Variants in FAM120B observed in about 807,000 individuals in gnomAD.
FAM120B encodes the protein family with sequence similarity 120 member B, also known as constitutive coactivator of peroxisome proliferator-activated receptor gamma.
A neutral mutation model predicts 96.3 loss-of-function variants in FAM120B; 83 were observed. That is an observed-to-expected ratio of 0.86 (90% CI 0.72 to 1.03). The LOEUF is 1.03. Ranked by LOEUF, FAM120B falls within the 50% of genes least tolerant of loss-of-function variation. The pLI, the probability that FAM120B is intolerant of heterozygous loss-of-function variation, is 0.00. For missense variants in FAM120B, 1,027 were observed against 1,121.2 expected (o/e 0.92, Z 1.20); for synonymous variants, 407 against 402.7 (o/e 1.01, Z -0.13).
At position 170,360,543 on chromosome 6, in the gene FAM120B, C is replaced by T. The variant is rs75971643; in HGVS notation, c.2283+2225C>T. Among the ~76,000 whole-genome samples the T allele has an allele frequency of 8.8e-3, 1,345 of 152,272 alleles. 66 individuals carry two copies. In the East Asian group the frequency reaches 0.1, roughly 12 times the overall value. On this transcript the variant is annotated intron_variant, in intron 6 of 10. Coordinates refer to ENST00000476287, the MANE Select transcript of FAM120B (RefSeq NM_032448.3). Reference sequence around the variant, plus strand: ...GGTTTTAAAAGCACTCCCATAAGTACGCAGCCATCACACAGAGGCCACTTC... The same window carrying T: ...GGTTTTAAAAGCACTCCCATAAGTATGCAGCCATCACACAGAGGCCACTTC...
chr6:170,402,770 G>A (rs1422868207), intron 9 of FAM120B, among the ~76,000 whole-genome samples: 1 of 152,212 alleles, frequency 6.6e-6, no homozygotes. Flanking sequence ...GTCAGTCTGG[G>A]TGCAAGGCCT....
upstream of FAM120B, chr6:170,291,183 A>T (rs1300534031): frequency 6.2e-6 from 3 of 485,302 alleles, no homozygotes; most frequent in Admixed American, 7.1e-5. Flanking sequence ...CACCACACAA[A>T]ACGCACTCAT....
chr6:170,333,783 G>A (rs1484973159), intron 4 of FAM120B, among the ~76,000 whole-genome samples: 1 of 121,990 alleles, frequency 8.2e-6, no homozygotes, highest in Non-Finnish European at 2.0e-5. Flanking sequence ...ACTGCCCAGC[G>A]TATGGGCCCC....
chr6:170,394,774 C>G (rs947963508), intron 8 of FAM120B, among the ~76,000 whole-genome samples: 2 of 152,268 alleles, frequency 1.3e-5, no homozygotes, highest in African/African-American at 4.8e-5. Context: ...CCACTCTTCC[C>G]TCATAGCTAA....
intron 4 of FAM120B, among the ~76,000 whole-genome samples, chr6:170,333,345 A>T (rs1349269932): frequency 6.6e-6 from 1 of 152,186 alleles, no homozygotes; most frequent in Non-Finnish European, 1.5e-5. Flanking sequence ...GGGCCTCACC[A>T]GAAGCCAACC....
intron 9 of FAM120B, among the ~76,000 whole-genome samples, chr6:170,402,512 C>T (rs1453869082): frequency 6.6e-6 from 1 of 152,240 alleles, no homozygotes; most frequent in African/African-American, 2.4e-5. Context: ...GCAGTGCGGG[C>T]ACGCTGGCCC....
chr6:170,317,145 T>C (rs1051106052), intron 1 of FAM120B, among the ~76,000 whole-genome samples: 5 of 152,252 alleles, frequency 3.3e-5, no homozygotes, highest in African/African-American at 4.8e-5. Flanking sequence ...TATACTCTCT[T>C]GTCCTTGTGA....
chr6:170,389,743 A>G (rs915695162), intron 7 of FAM120B, among the ~76,000 whole-genome samples: 3 of 152,010 alleles, frequency 2.0e-5, no homozygotes, highest in African/African-American at 7.2e-5. Flanking sequence ...TATTTTCTGT[A>G]GAGGTGAGGT....
rs1481716548 is a variant in FAM120B at position 170,405,545 on chromosome 6, T to G, written c.*794T>G. 1 of 152,216 alleles carries G rather than the reference T, an allele frequency of 6.6e-6. No individual in the cohort carries two copies. The highest frequency in any genetic ancestry group is 1.5e-5 in the Non-Finnish European group (1 of 68,038). 9.4% of individuals were successfully genotyped at this position (152,216 alleles called of 1,614,324 possible). A position where few individuals can be genotyped will look rare whatever the true frequency, so the allele number is the denominator to read the frequency against. On this transcript the variant is annotated 3_prime_UTR_variant, in exon 11 of 11. Transcript: ENST00000476287. ...TTCCCATTTAATTTAATTTTCAGAC[T>G]TCAGTTGACCATGAGTAACCGAAAC... is the stretch of plus-strand genomic sequence containing the variant.
chr6:170,326,905 A>C (rs950975640), intron 3 of FAM120B, among the ~76,000 whole-genome samples: 6 of 152,050 alleles, frequency 3.9e-5, no homozygotes, highest in African/African-American at 1.2e-4. Flanking sequence ...CACCCGGCTA[A>C]TTTTTAAATA....
rs1362545179 is a variant in FAM120B, at chr6:170,363,278, G to A, written c.2283+4960G>A. ...TTGGGAAGTTCTTGGTCATTTTTTG[G>A]TTGGAAAATTAAAAGGAAAAGATGT... is the stretch of plus-strand genomic sequence containing the variant. On this transcript the variant is annotated intron_variant, in intron 6 of 10. Transcript: ENST00000476287. This position sits in a 1 kb window ranked among gnomAD's most constrained non-coding sequence, Gnocchi z 4.5. 6.6e-6 allele frequency among the ~76,000 whole-genome samples: 1 copy of A among 152,120 alleles called. No individual in the cohort carries two copies. The highest frequency in any genetic ancestry group is 1.9e-4 in the East Asian group (1 of 5,184).
chr6:170,341,643 T>A (rs1201538766), intron 4 of FAM120B, among the ~76,000 whole-genome samples: 1 of 152,178 alleles, frequency 6.6e-6, no homozygotes, highest in Non-Finnish European at 1.5e-5. Context: ...CAAGGGAATC[T>A]TCTGATCTGC....
chr6:170,400,538 G>T (rs976166793), intron 9 of FAM120B, among the ~76,000 whole-genome samples: 1 of 152,106 alleles, frequency 6.6e-6, no homozygotes, highest in African/African-American at 2.4e-5. Context: ...CCTGCCCTTA[G>T]GGGATCCCTG....
chr6:170,365,923 C>T (rs1788762091), intron 6 of FAM120B, among the ~76,000 whole-genome samples: 1 of 152,142 alleles, frequency 6.6e-6, no homozygotes, highest in Admixed American at 6.5e-5. Flanking sequence ...CTGTGACAGG[C>T]TCAGCAGGTG....
intron 6 of FAM120B, 90 bp from the exon 7 acceptor site, chr6:170,388,197 C>G: frequency 1.8e-6 from 2 of 1,106,120 alleles, no homozygotes; most frequent in Non-Finnish European, 2.7e-6. Flanking sequence ...AGCATCCGTT[C>G]TGAGCAGAGT....
Position 170,295,353 on chromosome 6 carries a change from C to G in FAM120B, c.-53C>G. 2 of 699,354 alleles carry G rather than the reference C, an allele frequency of 2.9e-6. No individual in the cohort carries two copies. The highest frequency in any genetic ancestry group is 2.7e-5 in the East Asian group (1 of 37,004). The allele number at this position is 699,354 out of a possible 1,614,324, so 43.3% of individuals were successfully genotyped here. A position where few individuals can be genotyped will look rare whatever the true frequency, so the allele number is the denominator to read the frequency against. The stretch of plus-strand genomic sequence containing the variant: ...TGCCGCGCGTGGACTTACAAGCCCA[C>G]GAAGCCATCGTTCGTCACAGCCTGG... On this transcript the variant is annotated 5_prime_UTR_variant, in exon 1 of 11. Transcript: ENST00000537664. This position sits in a 1 kb window ranked among gnomAD's most constrained non-coding sequence, Gnocchi z 7.8.
chr6:170,348,654 G>T (rs1294041249), intron 5 of FAM120B, among the ~76,000 whole-genome samples: 1 of 152,128 alleles, frequency 6.6e-6, no homozygotes, highest in South Asian at 2.1e-4. Context: ...CATTGTTTAG[G>T]TGGTGGTTCT....
intron 4 of FAM120B, among the ~76,000 whole-genome samples, chr6:170,339,471 TTC>T (rs1279873342): frequency 6.6e-6 from 1 of 151,912 alleles, no homozygotes; most frequent in African/African-American, 2.4e-5. Context: ...GGGAAAGAAA[TTC>T]TGAGTTGAAA....
rs75355485 is a variant in FAM120B at position 170,349,505 on chromosome 6, C to A, written c.2190+1182C>A. 0.01 allele frequency among the ~76,000 whole-genome samples: 1,574 copies of A among 152,278 alleles called. 69 individuals are homozygous for A. The East Asian group carries it at 0.11, about 10-fold the overall frequency. ...CTGCCCATTCTATAGCTTGCTCTAC[C>A]TTTTGCATTTTGTAAGATGTGATAT... On this transcript the variant is annotated intron_variant, in intron 5 of 10. Coordinates refer to ENST00000476287, the MANE Select transcript of FAM120B (RefSeq NM_032448.3).
Sources: gnomAD v4.1 joint callset for allele counts (sites outside exome capture counted in the v4.1 genomes callset) on GRCh38, gnomAD v4.1.1 for gene constraint, Gnocchi (gnomAD v3.1) non-coding constraint, MANE v1.5 for transcripts, NCBI Gene and HGNC (gene_info 2026-07-23, HGNC 2026-07-21) for gene names.